TRHDE: variants seen among roughly 807,000 people sequenced by gnomAD.
The protein encoded by TRHDE is thyrotropin-releasing hormone-degrading ectoenzyme.
In TRHDE, 72 loss-of-function variants were observed where a neutral mutation model predicts 125.7. That is an observed-to-expected ratio of 0.57 (90% CI 0.47 to 0.70). TRHDE has a LOEUF of 0.70. Ranked by LOEUF, TRHDE falls within the 30% of genes least tolerant of loss-of-function variation. The pLI is 0.00. For missense variants in TRHDE, 1,110 were observed against 1,327.1 expected (o/e 0.84, Z 2.54); for synonymous variants, 509 against 509.1 (o/e 1.00, Z 0.00).
chr12:72,411,273 A>G (rs1299585339), intron 3 of TRHDE, among the ~76,000 whole-genome samples: 3 of 151,858 alleles, frequency 2.0e-5, no homozygotes, highest in Non-Finnish European at 4.4e-5. Context: ...ATAGAACATC[A>G]AAGAGATTCA....
At chr12:72,295,786 A>G (rs1279687668) in intron 2 of TRHDE, among the ~76,000 whole-genome samples, 1 of 50,154 alleles carries the variant, frequency 2.0e-5, no homozygotes, top group Non-Finnish European at 3.8e-5. Flanking sequence ...CTAACCATGT[A>G]TTCTATTTTT....
At chr12:72,225,550 G>A (rs1878112372) in intron 2 of TRHDE, among the ~76,000 whole-genome samples, 1 of 152,096 alleles carries the variant, frequency 6.6e-6, no homozygotes, top group South Asian at 2.1e-4. Flanking sequence ...TCATTCAAAA[G>A]CTTTTCATCC....
At chr12:72,171,276 G>A (rs891979962) in intron 2 of TRHDE, among the ~76,000 whole-genome samples, 1 of 152,048 alleles carries the variant, frequency 6.6e-6, no homozygotes, top group Non-Finnish European at 1.5e-5. Context: ...GATTAGTTTT[G>A]TTAGTCCAAA....
chr12:72,428,458 G>A (rs188214784), intron 3 of TRHDE, among the ~76,000 whole-genome samples: 57 of 152,230 alleles, frequency 3.7e-4, no homozygotes, highest in Non-Finnish European at 7.4e-4. Context: ...TATGGATAAA[G>A]TATCAAAAAG....
At chr12:72,173,579 T>C (rs1876923239) in intron 2 of TRHDE, among the ~76,000 whole-genome samples, 1 of 152,162 alleles carries the variant, frequency 6.6e-6, no homozygotes. Flanking sequence ...CTTGTGTTAC[T>C]ATAGTGACCC....
intron 2 of TRHDE, among the ~76,000 whole-genome samples, chr12:72,165,679 A>ATTT (rs57114088): frequency 3.2e-4 from 47 of 145,426 alleles, no homozygotes; most frequent in African/African-American, 1.0e-3. Flanking sequence ...TGAGAAATGC[A>ATTT]TTTTTTTTTT....
At chr12:72,376,466 T>C (rs1210417275) in intron 2 of TRHDE, among the ~76,000 whole-genome samples, 1 of 152,186 alleles carries the variant, frequency 6.6e-6, no homozygotes, top group Non-Finnish European at 1.5e-5. Flanking sequence ...AGGTAGTCTC[T>C]CCTGATAGTT....
At chr12:72,237,900 G>A (rs1195023957) in intron 2 of TRHDE, among the ~76,000 whole-genome samples, 2 of 152,110 alleles carry the variant, frequency 1.3e-5, no homozygotes, top group Non-Finnish European at 2.9e-5. Context: ...AGCACAAAGA[G>A]CTAGTGCAAA....
chr12:72,603,430 A>G (rs546338219), intron 12 of TRHDE, among the ~76,000 whole-genome samples: 1 of 152,222 alleles, frequency 6.6e-6, no homozygotes, highest in African/African-American at 2.4e-5. Flanking sequence ...TCTTATAATA[A>G]CAATGTAAGT....
At chr12:72,164,854 C>A (rs1051877702) in intron 2 of TRHDE, among the ~76,000 whole-genome samples, 1 of 152,188 alleles carries the variant, frequency 6.6e-6, no homozygotes, top group African/African-American at 2.4e-5. Flanking sequence ...ATGTTTTTCA[C>A]AGACTAGGAA....
At chr12:72,644,235 A>T (rs781253500) in intron 15 of TRHDE, among the ~76,000 whole-genome samples, 1 of 152,216 alleles carries the variant, frequency 6.6e-6, no homozygotes, top group Non-Finnish European at 1.5e-5. Context: ...ACTCCCTAGC[A>T]CATAGGCAAA....
At chr12:72,599,232 G>T (rs780612051) in intron 12 of TRHDE, among the ~76,000 whole-genome samples, 19 of 152,020 alleles carry the variant, frequency 1.2e-4, no homozygotes, top group Non-Finnish European at 2.8e-4. Flanking sequence ...ATTTTCTTTT[G>T]GATATATACC....
rs1463764391 is a variant in TRHDE, at chr12:72,638,159, C to A, written c.2676-14163C>A. Among the ~76,000 whole-genome samples, 3 of 146,600 alleles carry A rather than the reference C, an allele frequency of 2.0e-5. No homozygotes were observed. The East Asian group carries it at 6.0e-4, about 29-fold the overall frequency. ...AGTCTAAGTCTCTTTGTAGGTCACTCAGGACTTGCTTTATGAATCTGGGTG... is the reference window on the plus strand; with the variant it reads ...AGTCTAAGTCTCTTTGTAGGTCACTAAGGACTTGCTTTATGAATCTGGGTG... On this transcript the variant is annotated intron_variant, in intron 15 of 18. Coordinates refer to ENST00000261180, the MANE Select transcript of TRHDE (RefSeq NM_013381.3).
chr12:72,217,190 A>G (rs1049986735), intron 2 of TRHDE, among the ~76,000 whole-genome samples: 9 of 152,182 alleles, frequency 5.9e-5, no homozygotes, highest in African/African-American at 1.4e-4. Flanking sequence ...TATACACAGT[A>G]TCTTTACTCT....
intron 6 of TRHDE, among the ~76,000 whole-genome samples, chr12:72,520,843 G>T (rs1017763770): frequency 6.6e-6 from 1 of 152,022 alleles, no homozygotes; most frequent in South Asian, 2.1e-4. Context: ...TTTTATTACC[G>T]TATTAAAAGC....
chr12:72,549,495 C>A (rs1297194964), intron 7 of TRHDE, among the ~76,000 whole-genome samples: 1 of 151,776 alleles, frequency 6.6e-6, no homozygotes, highest in Non-Finnish European at 1.5e-5. Context: ...AGCTTTTGCT[C>A]AAATGTCTCC....
chr12:72,187,193 T>C (rs535726877), intron 2 of TRHDE, among the ~76,000 whole-genome samples: 3 of 152,284 alleles, frequency 2.0e-5, no homozygotes, highest in Non-Finnish European at 4.4e-5. Flanking sequence ...CATTTGATCC[T>C]TGTGATTATG....
At chr12:72,474,781 C>T (rs937515144) in intron 5 of TRHDE, among the ~76,000 whole-genome samples, 5 of 151,808 alleles carry the variant, frequency 3.3e-5, no homozygotes, top group South Asian at 2.1e-4. Context: ...TTGAAGAACA[C>T]GTAAACCAAG....
intron 2 of TRHDE, among the ~76,000 whole-genome samples, chr12:72,150,279 T>C (rs1592459440): frequency 6.6e-6 from 1 of 152,128 alleles, no homozygotes; most frequent in Non-Finnish European, 1.5e-5. Flanking sequence ...GGAAAAGGGA[T>C]TTTAGCAGAA....
Sources: allele counts gnomAD v4.1 joint callset (sites outside exome capture counted in the v4.1 genomes callset), GRCh38; gene constraint gnomAD v4.1.1; transcripts MANE v1.5; gene names NCBI Gene and HGNC (gene_info 2026-07-23, HGNC 2026-07-21).